The following ASRGL1 variants were observed in gnomAD, a reference collection of about 807,000 sequenced individuals.
ASRGL1 encodes the protein isoaspartyl peptidase/L-asparaginase.
A neutral mutation model predicts 22.4 loss-of-function variants in ASRGL1; 16 were observed. That is an observed-to-expected ratio of 0.71 (90% confidence interval 0.48 to 1.08). The LOEUF (loss-of-function observed/expected upper bound fraction) is 1.08, where lower values mean the gene tolerates loss of function less well. ASRGL1 is among the 50% of genes least tolerant of loss of function. ASRGL1 has a pLI of 0.00. For synonymous variants in ASRGL1, 165 were observed against 159.3 expected (o/e 1.04, Z -0.27); for missense variants, 412 against 410.1 (o/e 1.00, Z -0.04).
intron 4 of ASRGL1, among the ~76,000 whole-genome samples, chr11:62,380,492 T>C (rs1371981408): frequency 6.6e-6 from 1 of 152,156 alleles, no homozygotes; most frequent in Non-Finnish European, 1.5e-5. Flanking sequence ...GCTTGTTGAT[T>C]AGTAGTGCTC....
intron 4 of ASRGL1, among the ~76,000 whole-genome samples, chr11:62,379,455 C>A (rs2134677658): frequency 6.6e-6 from 1 of 152,252 alleles, no homozygotes; most frequent in South Asian, 2.1e-4. Flanking sequence ...GCAGGAGTAA[C>A]AACTGAGCAA....
intron 4 of ASRGL1, chr11:62,372,595 TG>T: frequency 1.1e-6 from 1 of 882,860 alleles, no homozygotes; most frequent in Non-Finnish European, 1.9e-6. Context: ...GTACCAAATA[TG>T]GTTATGCGAG....
chr11:62,372,659 C>T (rs768240734), intron 4 of ASRGL1: 13 of 1,018,856 alleles, frequency 1.3e-5, no homozygotes, highest in Non-Finnish European at 1.9e-5. Context: ...AGAAGTGAGT[C>T]TTCTCCTGGG....
chr11:62,388,359 C>T (rs903685091), intron 4 of ASRGL1, among the ~76,000 whole-genome samples: 6 of 152,192 alleles, frequency 3.9e-5, no homozygotes, highest in African/African-American at 1.4e-4. Flanking sequence ...CAGCGACACC[C>T]GGGAGGTTGT....
At chr11:62,374,552 A>G (rs573113958) in intron 4 of ASRGL1, among the ~76,000 whole-genome samples, 3 of 151,960 alleles carry the variant, frequency 2.0e-5, no homozygotes, top group Admixed American at 1.3e-4. Flanking sequence ...TTCTTTAGCT[A>G]TTGTTACCAC....
the ASRGL1 span, among the ~76,000 whole-genome samples, chr11:62,398,865 T>C: frequency 6.6e-6 from 1 of 152,202 alleles, no homozygotes; most frequent in Non-Finnish European, 1.5e-5. Context: ...TTTCCCTGTC[T>C]TCCCTAGAAA....
intron 2 of ASRGL1, among the ~76,000 whole-genome samples, chr11:62,348,467 G>C (rs1036850022): frequency 2.0e-5 from 3 of 152,278 alleles, no homozygotes; most frequent in Admixed American, 2.0e-4. Flanking sequence ...ACTTTGGGAG[G>C]CCGAGGCAGG....
At chr11:62,341,774 G>T (rs1336532393) in intron 2 of ASRGL1, among the ~76,000 whole-genome samples, 1 of 152,050 alleles carries the variant, frequency 6.6e-6, no homozygotes, top group East Asian at 1.9e-4. Flanking sequence ...TCATGTAACT[G>T]CCACCACAAT....
At chr11:62,383,135 C>T (rs1349146746) in intron 4 of ASRGL1, 1 of 152,164 alleles carries the variant, frequency 6.6e-6, no homozygotes, top group Non-Finnish European at 1.5e-5. Context: ...AATCAGTATT[C>T]ATTTCTAAAT....
At chr11:62,371,814 C>T (rs1267084247) in intron 4 of ASRGL1, 4 of 491,048 alleles carry the variant, frequency 8.1e-6, no homozygotes, top group South Asian at 4.1e-5. Context: ...ATTAGCCGGG[C>T]GTGGTGGCGG....
At chr11:62,361,624 A>T (rs1385559005) in intron 4 of ASRGL1, among the ~76,000 whole-genome samples, 1 of 151,004 alleles carries the variant, frequency 6.6e-6, no homozygotes, top group Non-Finnish European at 1.5e-5. Context: ...AGTAGCTGGG[A>T]CTACAGGCGC....
At chr11:62,387,907 T>G (rs2134698060) in intron 4 of ASRGL1, among the ~76,000 whole-genome samples, 1 of 152,306 alleles carries the variant, frequency 6.6e-6, no homozygotes, top group East Asian at 1.9e-4. Context: ...GTGTACAATT[T>G]GTTCAACTGT....
intron 4 of ASRGL1, chr11:62,371,189 G>A (rs1946751887): frequency 1.6e-6 from 2 of 1,249,468 alleles, no homozygotes; most frequent in East Asian, 3.1e-5. Context: ...TCGGGCAACG[G>A]CACTGCCCAC....
chr11:62,367,850 G>C (rs1946653791), intron 4 of ASRGL1, among the ~76,000 whole-genome samples: 1 of 151,956 alleles, frequency 6.6e-6, no homozygotes, highest in African/African-American at 2.4e-5. Context: ...GCTGAGGCAG[G>C]AGAATAGCTT....
chr11:62,352,546 G>A (rs1048060067), intron 2 of ASRGL1, among the ~76,000 whole-genome samples: 2 of 151,976 alleles, frequency 1.3e-5, no homozygotes, highest in African/African-American at 2.4e-5. Context: ...ATCACACCAC[G>A]GCACTCCAGC....
At chr11:62,380,984 C>T (rs1292840771) in intron 4 of ASRGL1, among the ~76,000 whole-genome samples, 37 of 152,136 alleles carry the variant, frequency 2.4e-4, no homozygotes, top group Admixed American at 2.3e-3. Context: ...AGCGCCCTGC[C>T]CTGTGGTGCT....
chr11:62,370,078 A>G (rs1295322846), intron 4 of ASRGL1, among the ~76,000 whole-genome samples: 1 of 151,750 alleles, frequency 6.6e-6, no homozygotes, highest in Non-Finnish European at 1.5e-5. Context: ...AATTAATCCC[A>G]TAGTCACTGC....
rs1426993812 is a variant in ASRGL1 at position 62,337,462 on chromosome 11, G to C, written c.-201G>C. 6.3e-6 allele frequency: 1 copy of C among 159,704 alleles called. No homozygotes were observed. The highest frequency in any genetic ancestry group is 1.4e-5 in the Non-Finnish European group (1 of 72,904). 9.9% of individuals were successfully genotyped at this position (159,704 alleles called of 1,614,324 possible). A position where few individuals can be genotyped will look rare whatever the true frequency, so the allele number is the denominator to read the frequency against. ...GGCGCAGAACCGTTGTGACCAGAGC[G>C]GTTGCGGGCTGAGCGGTTTCGAGCC... On this transcript the variant is annotated 5_prime_UTR_variant, in exon 1 of 7. Transcript: ENST00000415229.
intron 2 of ASRGL1, among the ~76,000 whole-genome samples, chr11:62,346,541 G>C (rs1048610678): frequency 6.6e-6 from 1 of 152,200 alleles, no homozygotes; most frequent in Non-Finnish European, 1.5e-5. Flanking sequence ...CTGTGACGAT[G>C]TGCAGATGTG....
Sources: gnomAD v4.1 joint callset for allele counts (sites outside exome capture counted in the v4.1 genomes callset) on GRCh38, gnomAD v4.1.1 for gene constraint, MANE v1.5 for transcripts, NCBI Gene and HGNC (gene_info 2026-07-23, HGNC 2026-07-21) for gene names.